The following PTPN4 variants were observed in gnomAD, a reference collection of about 807,000 sequenced individuals.
PTPN4 encodes protein tyrosine phosphatase non-receptor type 4, also known as tyrosine-protein phosphatase non-receptor type 4.
In PTPN4, 49 loss-of-function variants were observed where a neutral mutation model predicts 135.5. That is an observed-to-expected ratio of 0.36 (90% CI 0.29 to 0.46). The LOEUF is 0.46. PTPN4 is among the 20% of genes least tolerant of loss of function. The probability of loss-of-function intolerance (pLI) is 1.00; values close to 1 mark genes in which losing one functional copy is unlikely to be tolerated. For synonymous variants in PTPN4, 333 were observed against 369.9 expected (o/e 0.90, Z 1.14); for missense variants, 860 against 1,101.0 (o/e 0.78, Z 3.10).
rs189179459 is a variant in PTPN4, at chr2:119,945,640, C to T, written c.1515+400C>T. Among the ~76,000 whole-genome samples, 32 of 151,958 alleles carry T rather than the reference C, an allele frequency of 2.1e-4. No homozygotes were observed. In the East Asian group the frequency reaches 5.8e-3, roughly 28 times the overall value. ...AATAAAAATAACAATAAAGAACATACTGAATGAAAGAAGCCCAGGACAAAT... is the reference window on the plus strand; with the variant it reads ...AATAAAAATAACAATAAAGAACATATTGAATGAAAGAAGCCCAGGACAAAT... On this transcript the variant is annotated intron_variant, in intron 16 of 26. Coordinates refer to ENST00000263708, the MANE Select transcript of PTPN4 (RefSeq NM_002830.4).
intron 15 of PTPN4, among the ~76,000 whole-genome samples, chr2:119,936,568 C>T (rs1347137358): frequency 6.6e-6 from 1 of 152,118 alleles, no homozygotes; most frequent in Non-Finnish European, 1.5e-5. Context: ...TGAAGAGGTG[C>T]CTTCCACCAT....
intron 1 of PTPN4, among the ~76,000 whole-genome samples, chr2:119,784,254 G>A (rs921946939): frequency 3.3e-5 from 5 of 149,706 alleles, no homozygotes; most frequent in Non-Finnish European, 7.4e-5. Flanking sequence ...CCAGAATCAA[G>A]AGAGGTGATG....
chr2:119,928,231 C>A (rs570783005), intron 13 of PTPN4, among the ~76,000 whole-genome samples: 6 of 152,176 alleles, frequency 3.9e-5, no homozygotes, highest in African/African-American at 9.6e-5. Flanking sequence ...CAGTTAAATT[C>A]TTTGATTGTA....
chr2:119,866,519 A>T (rs1184213933), intron 3 of PTPN4, among the ~76,000 whole-genome samples: 1 of 152,098 alleles, frequency 6.6e-6, no homozygotes, highest in Non-Finnish European at 1.5e-5. Context: ...TCTACTTTGG[A>T]ACTCAAGAAA....
chr2:119,768,476 C>A (rs1351395291), intron 1 of PTPN4, among the ~76,000 whole-genome samples: 1 of 152,174 alleles, frequency 6.6e-6, no homozygotes, highest in Non-Finnish European at 1.5e-5. Context: ...TATGTATACA[C>A]ACATCTGAAT....
intron 15 of PTPN4, among the ~76,000 whole-genome samples, chr2:119,941,437 G>GTGTT (rs1359076116): frequency 6.6e-6 from 1 of 151,518 alleles, no homozygotes; most frequent in Non-Finnish European, 1.5e-5. Flanking sequence ...GTGTGTGTGT[G>GTGTT]TATAGAGTTT....
At chr2:119,844,712 G>A (rs1434773005) in intron 2 of PTPN4, among the ~76,000 whole-genome samples, 3 of 148,416 alleles carry the variant, frequency 2.0e-5, no homozygotes, top group African/African-American at 7.5e-5. Context: ...GGGAAGAGGC[G>A]CTCCTCACTT....
At chr2:119,968,512 G>T (rs1432348860) in intron 26 of PTPN4, among the ~76,000 whole-genome samples, 1 of 152,098 alleles carries the variant, frequency 6.6e-6, no homozygotes, top group African/African-American at 2.4e-5. Context: ...CAGCGGCCGG[G>T]CGCGGTAGGT....
chr2:119,864,611 A>C (rs1002425147), intron 3 of PTPN4, among the ~76,000 whole-genome samples: 6 of 152,218 alleles, frequency 3.9e-5, no homozygotes, highest in African/African-American at 1.4e-4. Flanking sequence ...ATAAATATGA[A>C]AACAGTCCTT....
At chr2:119,871,629 CT>C (rs1218774247) in intron 3 of PTPN4, among the ~76,000 whole-genome samples, 1 of 151,706 alleles carries the variant, frequency 6.6e-6, no homozygotes, top group Non-Finnish European at 1.5e-5. Flanking sequence ...GAGGCTACCT[CT>C]TTGGATGGAA....
At position 119,852,464 on chromosome 2, in the gene PTPN4, G is replaced by T. The variant is rs532680698; in HGVS notation, c.139-10072G>T. ...TGAGAAATTTTCTGTTTAGGTGCGG[G>T]TTTCTTTTGGCTACGCCAAGCACTT... On this transcript the variant is annotated intron_variant, in intron 2 of 26. Coordinates refer to ENST00000263708, the MANE Select transcript of PTPN4 (RefSeq NM_002830.4). Among the ~76,000 whole-genome samples the T allele has an allele frequency of 1.0e-3, 156 of 152,308 alleles. 1 individual carries two copies. The highest frequency in any genetic ancestry group is 3.6e-3 in the African/African-American group (151 of 41,570).
intron 10 of PTPN4, among the ~76,000 whole-genome samples, chr2:119,909,474 T>C (rs569213054): frequency 1.4e-4 from 22 of 152,320 alleles, no homozygotes; most frequent in African/African-American, 5.3e-4. Context: ...TGAATATTAC[T>C]GCCCATTGAC....
At chr2:119,877,651 A>T in intron 5 of PTPN4, 109 bp downstream of exon 5, 1 of 1,344,902 alleles carries the variant, frequency 7.4e-7, no homozygotes, top group South Asian at 1.6e-5. Flanking sequence ...TGAGCTTTCC[A>T]GTCAGTACAC....
At chr2:119,955,573 A>AT (rs1406070832) in intron 20 of PTPN4, among the ~76,000 whole-genome samples, 1 of 152,174 alleles carries the variant, frequency 6.6e-6, no homozygotes, top group East Asian at 1.9e-4. Context: ...ATCAAACTAA[A>AT]TTTTTTTCTA....
intron 2 of PTPN4, among the ~76,000 whole-genome samples, chr2:119,813,252 CT>C (rs566056174): frequency 8.7e-4 from 125 of 143,740 alleles, no homozygotes; most frequent in Non-Finnish European, 8.0e-4. Context: ...TTCTTTCTTT[CT>C]TTTTTTTTTT....
intron 2 of PTPN4, among the ~76,000 whole-genome samples, chr2:119,818,597 T>G (rs1482261897): frequency 1.3e-5 from 2 of 152,200 alleles, no homozygotes; most frequent in Admixed American, 1.3e-4. Flanking sequence ...TTAAAGAGAA[T>G]GTACAACAGA....
At chr2:119,876,594 G>T (rs1039214194) in intron 3 of PTPN4, among the ~76,000 whole-genome samples, 2 of 151,828 alleles carry the variant, frequency 1.3e-5, no homozygotes, top group Non-Finnish European at 2.9e-5. Context: ...CTCATTTTGG[G>T]TTCTTTGATT....
intron 2 of PTPN4, among the ~76,000 whole-genome samples, chr2:119,818,983 G>A (rs890968644): frequency 2.6e-5 from 4 of 152,140 alleles, no homozygotes; most frequent in Admixed American, 2.0e-4. Flanking sequence ...CCCTGTGTAC[G>A]CACATCCTAT....
intron 1 of PTPN4, among the ~76,000 whole-genome samples, chr2:119,770,580 T>A (rs2104920182): frequency 6.6e-6 from 1 of 152,280 alleles, no homozygotes; most frequent in East Asian, 1.9e-4. Context: ...ATGTAGAAGG[T>A]ATTTACTATA....
Sources: gnomAD v4.1 joint callset for allele counts (sites outside exome capture counted in the v4.1 genomes callset) on GRCh38, gnomAD v4.1.1 for gene constraint, MANE v1.5 for transcripts, NCBI Gene and HGNC (gene_info 2026-07-23, HGNC 2026-07-21) for gene names.